Variants in SEZ6L observed in about 807,000 individuals in gnomAD.
SEZ6L encodes the protein seizure related 6 homolog like, also known as seizure 6-like protein.
In SEZ6L, 37 loss-of-function variants were observed where a neutral mutation model predicts 106.2. The observed-to-expected ratio is 0.35, with a 90% CI of 0.27 to 0.46. The LOEUF is 0.46. Among genes scored for constraint, SEZ6L ranks in the 20% least tolerant of loss-of-function variants. The pLI is 1.00. For synonymous variants in SEZ6L, 541 were observed against 570.4 expected (o/e 0.95, Z 0.73); for missense variants, 1,172 against 1,332.8 (o/e 0.88, Z 1.88).
At chr22:26,177,329 G>A (rs1419562392) in intron 1 of SEZ6L, among the ~76,000 whole-genome samples, 1 of 152,130 alleles carries the variant, frequency 6.6e-6, no homozygotes, top group Non-Finnish European at 1.5e-5. Flanking sequence ...TTAAAAAGTG[G>A]GAGGAGAGAA....
At chr22:26,170,567 T>C (rs1938516198) in intron 1 of SEZ6L, among the ~76,000 whole-genome samples, 1 of 152,100 alleles carries the variant, frequency 6.6e-6, no homozygotes, top group Non-Finnish European at 1.5e-5. Flanking sequence ...CAGCTCCTCT[T>C]TCTCAGACCT....
At chr22:26,274,032 G>C (rs1347094464) in intron 1 of SEZ6L, among the ~76,000 whole-genome samples, 1 of 152,066 alleles carries the variant, frequency 6.6e-6, no homozygotes, top group Non-Finnish European at 1.5e-5. Flanking sequence ...TTGTACCTTA[G>C]GATCACCCAT....
At chr22:26,187,681 G>T (rs570999290) in intron 1 of SEZ6L, among the ~76,000 whole-genome samples, 1 of 152,176 alleles carries the variant, frequency 6.6e-6, no homozygotes, top group East Asian at 1.9e-4. Flanking sequence ...TATAAATTTG[G>T]GCAAATGATG....
chr22:26,181,257 T>C (rs2123777014), intron 1 of SEZ6L, among the ~76,000 whole-genome samples: 1 of 152,270 alleles, frequency 6.6e-6, no homozygotes, highest in East Asian at 1.9e-4. Context: ...CACCAAACTA[T>C]GAATCAATTT....
chr22:26,343,310 T>A (rs1269319686), intron 10 of SEZ6L, among the ~76,000 whole-genome samples: 1 of 145,566 alleles, frequency 6.9e-6, no homozygotes, highest in Non-Finnish European at 1.5e-5. Flanking sequence ...CAAACCTGCA[T>A]TCAGCTTGAT....
intron 9 of SEZ6L, among the ~76,000 whole-genome samples, chr22:26,319,785 GC>G (rs2082105157): frequency 6.6e-6 from 1 of 152,182 alleles, no homozygotes; most frequent in Non-Finnish European, 1.5e-5. Context: ...CTTATTCACT[GC>G]CGTAACCCTA....
At chr22:26,371,679 A>G (rs2084042049) in intron 13 of SEZ6L, among the ~76,000 whole-genome samples, 1 of 150,454 alleles carries the variant, frequency 6.6e-6, no homozygotes, top group African/African-American at 2.4e-5. Context: ...GAAAAAAAAA[A>G]CACGAAAAGA....
intron 6 of SEZ6L, among the ~76,000 whole-genome samples, chr22:26,306,510 T>C (rs1324822491): frequency 6.6e-6 from 1 of 152,068 alleles, no homozygotes; most frequent in Non-Finnish European, 1.5e-5. Flanking sequence ...ATGGAGAACA[T>C]GAAAGAAGTA....
chr22:26,314,072 AC>A (rs1459101472), intron 9 of SEZ6L, among the ~76,000 whole-genome samples, 170 bp downstream of exon 9: 1 of 75,524 alleles, frequency 1.3e-5, no homozygotes, highest in East Asian at 1.0e-3. Context: ...CATCACAAAT[AC>A]ACACACACAC....
At chr22:26,268,036 CTA>C (rs897927926) in intron 1 of SEZ6L, among the ~76,000 whole-genome samples, 10 of 152,212 alleles carry the variant, frequency 6.6e-5, no homozygotes, top group Admixed American at 2.0e-4. Flanking sequence ...TGCTGCCTCT[CTA>C]TAGAACAATG....
intron 1 of SEZ6L, among the ~76,000 whole-genome samples, chr22:26,215,433 C>G (rs947377004): frequency 4.6e-5 from 7 of 152,108 alleles, no homozygotes; most frequent in Non-Finnish European, 1.5e-5. Flanking sequence ...TTTTTCCTTG[C>G]TTGGAAAACT....
intron 1 of SEZ6L, among the ~76,000 whole-genome samples, chr22:26,224,285 C>T (rs2078571552): frequency 6.6e-6 from 1 of 152,124 alleles, no homozygotes; most frequent in Admixed American, 6.5e-5. Flanking sequence ...TTTGAGGAAA[C>T]CTATTACTCC....
At chr22:26,186,259 A>C (rs1939773244) in intron 1 of SEZ6L, among the ~76,000 whole-genome samples, 1 of 152,202 alleles carries the variant, frequency 6.6e-6, no homozygotes, top group African/African-American at 2.4e-5. Flanking sequence ...ACAAGAAGCC[A>C]GCATGGCCAG....
At chr22:26,353,785 A>C (rs1160708722) in intron 12 of SEZ6L, among the ~76,000 whole-genome samples, 2 of 151,808 alleles carry the variant, frequency 1.3e-5, no homozygotes, top group Admixed American at 6.6e-5. Context: ...AGCGTCTTTG[A>C]CATCCTAACC....
chr22:26,263,015 G>A (rs944798449), intron 1 of SEZ6L, among the ~76,000 whole-genome samples: 16 of 152,140 alleles, frequency 1.1e-4, no homozygotes, highest in Admixed American at 6.5e-5. Flanking sequence ...CAGAATTAAT[G>A]TCATTTCCAC....
At chr22:26,321,827 G>T (rs1161272429) in intron 9 of SEZ6L, among the ~76,000 whole-genome samples, 1 of 152,152 alleles carries the variant, frequency 6.6e-6, no homozygotes, top group African/African-American at 2.4e-5. Flanking sequence ...CATAGTAGGC[G>T]CATGACTTAG....
chr22:26,318,016 G>A (rs1569460736), intron 9 of SEZ6L, among the ~76,000 whole-genome samples: 1 of 151,952 alleles, frequency 6.6e-6, no homozygotes, highest in Non-Finnish European at 1.5e-5. Context: ...GATGAATTAG[G>A]AAGTACATAC....
intron 1 of SEZ6L, among the ~76,000 whole-genome samples, chr22:26,213,306 A>T (rs1005496958): frequency 6.9e-6 from 1 of 145,846 alleles, no homozygotes; most frequent in African/African-American, 2.5e-5. Context: ...AAGTGAATTC[A>T]GCTTCTGGCT....
rs151110991 is a variant in SEZ6L at position 26,222,675 on chromosome 22, G to A, written c.94+52912G>A. Among the ~76,000 whole-genome samples, 92 of 152,262 alleles carry A rather than the reference G, an allele frequency of 6.0e-4. 1 individual carries two copies. The highest frequency in any genetic ancestry group is 1.9e-3 in the African/African-American group (77 of 41,544). ...AATCTCAATATCATAGGGAAAAACC[G>A]GGGGGAACGCCCACATACATGTGAA... On this transcript the variant is annotated intron_variant, in intron 1 of 16. Coordinates refer to ENST00000248933, the MANE Select transcript of SEZ6L (RefSeq NM_021115.5).
Sources: gnomAD v4.1 joint callset for allele counts (sites outside exome capture counted in the v4.1 genomes callset) on GRCh38, gnomAD v4.1.1 for gene constraint, MANE v1.5 for transcripts, NCBI Gene and HGNC (gene_info 2026-07-23, HGNC 2026-07-21) for gene names.